The following MED27 variants were observed in gnomAD, a reference collection of about 807,000 sequenced individuals.
The protein encoded by MED27 is mediator complex subunit 27.
Under a neutral mutation model 38.2 loss-of-function variants are expected in MED27, and 30 were observed. The observed-to-expected ratio is 0.79, with a 90% confidence interval of 0.59 to 1.07. The LOEUF (loss-of-function observed/expected upper bound fraction) is 1.07, where lower values mean the gene tolerates loss of function less well. Ranked by LOEUF, MED27 falls within the 50% of genes least tolerant of loss-of-function variation. The pLI is 0.00. For synonymous variants in MED27, 122 were observed against 153.5 expected (o/e 0.79, Z 1.52); for missense variants, 289 against 397.5 (o/e 0.73, Z 2.32).
At chr9:132,076,677 C>T (rs1334822091) in intron 2 of MED27, among the ~76,000 whole-genome samples, 1 of 152,166 alleles carries the variant, frequency 6.6e-6, no homozygotes, top group Non-Finnish European at 1.5e-5. Context: ...CTTCCAAAAT[C>T]ATTCCTAAAA....
At position 131,861,696 on chromosome 9, in the gene MED27, C is replaced by T. The variant is rs1838654710; in HGVS notation, c.802-1024G>A. Among the ~76,000 whole-genome samples, 4 of 152,108 alleles carry T rather than the reference C, an allele frequency of 2.6e-5. No homozygotes were observed. The highest frequency in any genetic ancestry group is 4.4e-5 in the Non-Finnish European group (3 of 68,024). ...ATGTCTGTGCCTCAAATCAATCAAT[C>T]AACAGATTCGTATTAATTAGCTGGT... On this transcript the variant is annotated intron_variant, in intron 7 of 7. Coordinates refer to ENST00000292035, the MANE Select transcript of MED27 (RefSeq NM_004269.4). The surrounding 1 kb of genome is among the most constrained non-coding windows in gnomAD (Gnocchi z 4.4).
rs749321979 is a variant in MED27, at chr9:131,889,892, C to T, written c.681+3993G>A. 6.6e-6 allele frequency among the ~76,000 whole-genome samples: 1 copy of T among 152,154 alleles called. No homozygotes were observed. Among genetic ancestry groups the T allele is most frequent in the African/African-American group, 2.4e-5 (1 of 41,424 alleles). On this transcript the variant is annotated intron_variant, in intron 5 of 7. Transcript: ENST00000292035. The surrounding 1 kb of genome is among the most constrained non-coding windows in gnomAD (Gnocchi z 4.2). The stretch of plus-strand genomic sequence containing the variant: ...GCTCCAGGAGACTGCAGCAAAACAC[C>T]CCCCTGCAGCCACCTAGGCACCAAC...
chr9:131,865,326 T>C (rs1838718599), intron 6 of MED27, among the ~76,000 whole-genome samples: 1 of 152,202 alleles, frequency 6.6e-6, no homozygotes, highest in South Asian at 2.1e-4. Context: ...GCAAAATGAC[T>C]GGTGGTAATT....
chr9:132,054,087 G>A (rs1833521205), intron 2 of MED27, among the ~76,000 whole-genome samples: 1 of 152,038 alleles, frequency 6.6e-6, no homozygotes, highest in Non-Finnish European at 1.5e-5. Context: ...CAAGAAGGTA[G>A]CATGCTGATA....
At chr9:131,923,764 A>T (rs1019588972) in intron 4 of MED27, among the ~76,000 whole-genome samples, 1 of 152,034 alleles carries the variant, frequency 6.6e-6, no homozygotes, top group African/African-American at 2.4e-5. Context: ...CCCATAACCA[A>T]TTTCTCTGCT....
intron 3 of MED27, among the ~76,000 whole-genome samples, chr9:132,004,588 A>T (rs1390129963): frequency 6.6e-6 from 1 of 152,176 alleles, no homozygotes; most frequent in Non-Finnish European, 1.5e-5. Context: ...GCTCGCTGCC[A>T]GTACCTCTAG....
chr9:131,901,151 C>T (rs1050339475), intron 4 of MED27, among the ~76,000 whole-genome samples: 3 of 151,608 alleles, frequency 2.0e-5, no homozygotes, highest in African/African-American at 7.3e-5. Flanking sequence ...GAGGGGCTGG[C>T]GGGCACACCC....
chr9:131,885,762 T>C (rs916873705), intron 5 of MED27, among the ~76,000 whole-genome samples: 4 of 152,174 alleles, frequency 2.6e-5, no homozygotes, highest in East Asian at 1.9e-4. Flanking sequence ...AAATTAAGTA[T>C]GGCAAAAATA....
intron 2 of MED27, among the ~76,000 whole-genome samples, chr9:132,050,838 C>T (rs560815682): frequency 2.3e-4 from 35 of 152,324 alleles, no homozygotes; most frequent in East Asian, 3.9e-4. Context: ...TTGTCTCCCC[C>T]GGCAGAATGT....
chr9:132,065,409 A>G (rs761684769), intron 2 of MED27, among the ~76,000 whole-genome samples: 1 of 152,078 alleles, frequency 6.6e-6, no homozygotes, highest in African/African-American at 2.4e-5. Context: ...TATGAACCCA[A>G]TGGGTGACCA....
At chr9:131,871,525 GA>G (rs1426323705) in intron 6 of MED27, among the ~76,000 whole-genome samples, 22 of 152,150 alleles carry the variant, frequency 1.4e-4, no homozygotes, top group Admixed American at 1.3e-3. Context: ...CCTGGTACAG[GA>G]ACAACGGCAC....
chr9:132,066,535 T>A (rs1564347165), intron 2 of MED27, among the ~76,000 whole-genome samples: 3 of 150,934 alleles, frequency 2.0e-5, no homozygotes, highest in East Asian at 3.9e-4. Flanking sequence ...TCTTAGGGAG[T>A]TCCCTTCACC....
intron 3 of MED27, among the ~76,000 whole-genome samples, chr9:131,946,892 C>T (rs1830896363): frequency 6.6e-6 from 1 of 152,224 alleles, no homozygotes. Flanking sequence ...CTTGGCACCC[C>T]ATCAGTCAGT....
At chr9:131,886,738 C>T (rs1158164075) in intron 5 of MED27, among the ~76,000 whole-genome samples, 1 of 152,198 alleles carries the variant, frequency 6.6e-6, no homozygotes, top group Non-Finnish European at 1.5e-5. Context: ...AAGAAAACTA[C>T]TGTTGGGCAG....
At chr9:131,995,027 G>A (rs1832061025) in intron 3 of MED27, among the ~76,000 whole-genome samples, 1 of 152,160 alleles carries the variant, frequency 6.6e-6, no homozygotes, top group Non-Finnish European at 1.5e-5. Context: ...GCTTCAAGCA[G>A]TGCCCTTTAT....
chr9:131,896,951 T>C (rs570880378), intron 4 of MED27, among the ~76,000 whole-genome samples: 26 of 152,172 alleles, frequency 1.7e-4, no homozygotes, highest in African/African-American at 4.3e-4. Context: ...AGGCTGGTCT[T>C]GAACTCCTGA....
intron 3 of MED27, among the ~76,000 whole-genome samples, chr9:131,978,831 A>T (rs1831670516): frequency 1.3e-5 from 2 of 152,242 alleles, no homozygotes; most frequent in Non-Finnish European, 2.9e-5. Flanking sequence ...AACCATCGCA[A>T]GAGGGCGTTT....
intron 2 of MED27, among the ~76,000 whole-genome samples, chr9:132,076,427 G>T (rs190844486): frequency 6.6e-6 from 1 of 152,122 alleles, no homozygotes; most frequent in Admixed American, 6.5e-5. Context: ...CAGCTCCCAC[G>T]GTTCCACTTC....
intron 2 of MED27, chr9:132,032,126 G>A (rs1234641826): frequency 6.6e-6 from 1 of 152,152 alleles, no homozygotes; most frequent in Non-Finnish European, 1.5e-5. Flanking sequence ...GCCTGGGCAC[G>A]GGGGACGGCT....
Sources: gnomAD v4.1 joint callset for allele counts (sites outside exome capture counted in the v4.1 genomes callset) on GRCh38, gnomAD v4.1.1 for gene constraint, Gnocchi (gnomAD v3.1) non-coding constraint, MANE v1.5 for transcripts, NCBI Gene and HGNC (gene_info 2026-07-23, HGNC 2026-07-21) for gene names.